Variants in DOCK3 observed in about 807,000 individuals in gnomAD.
DOCK3 encodes the protein dedicator of cytokinesis 3, also known as dedicator of cytokinesis protein 3.
A neutral mutation model predicts 265.6 loss-of-function variants in DOCK3; 60 were observed. That is an observed-to-expected ratio of 0.23 (90% confidence interval 0.18 to 0.28). The LOEUF is 0.28. Among genes scored for constraint, DOCK3 ranks in the 10% least tolerant of loss-of-function variants. The probability of loss-of-function intolerance (pLI) is 1.00; values close to 1 mark genes in which losing one functional copy is unlikely to be tolerated. For missense variants in DOCK3, 1,981 were observed against 2,594.3 expected, an observed-to-expected ratio of 0.76 and a Z score of 5.14; for synonymous variants, 881 against 938.0, an observed-to-expected ratio of 0.94 and a Z score of 1.11.
chr3:50,908,541 G>T (rs753003614), intron 4 of DOCK3, among the ~76,000 whole-genome samples: 3 of 151,992 alleles, frequency 2.0e-5, no homozygotes, highest in Non-Finnish European at 2.9e-5. Context: ...TGGAGTGAGT[G>T]TCTTAACATT....
chr3:51,306,448 A>G (rs2082695575), intron 27 of DOCK3, among the ~76,000 whole-genome samples: 1 of 151,814 alleles, frequency 6.6e-6, no homozygotes, highest in Non-Finnish European at 1.5e-5. Flanking sequence ...CTGTGTAAAG[A>G]TTTTTTCATC....
intron 1 of DOCK3, among the ~76,000 whole-genome samples, chr3:50,732,187 ATAAGT>A (rs2038259414): frequency 6.6e-6 from 1 of 152,126 alleles, no homozygotes; most frequent in Non-Finnish European, 1.5e-5. Context: ...ATTCTCACTT[ATAAGT>A]GGGAGCTGAA....
chr3:51,041,616 A>G (rs1444827093), intron 5 of DOCK3, among the ~76,000 whole-genome samples: 5 of 152,132 alleles, frequency 3.3e-5, no homozygotes, highest in Non-Finnish European at 7.3e-5. Context: ...GAAAACATGA[A>G]TCTCCTTGTA....
intron 14 of DOCK3, among the ~76,000 whole-genome samples, chr3:51,222,177 A>C (rs966840187): frequency 6.6e-6 from 1 of 152,046 alleles, no homozygotes; most frequent in African/African-American, 2.4e-5. Flanking sequence ...TCTCTTTCTC[A>C]TCTTCATTGT....
intron 23 of DOCK3, among the ~76,000 whole-genome samples, chr3:51,265,327 G>C (rs770893835): frequency 3.9e-5 from 6 of 152,180 alleles, no homozygotes; most frequent in Non-Finnish European, 7.3e-5. Context: ...TAGAAAAAGA[G>C]GGACTCCTCC....
intron 10 of DOCK3, among the ~76,000 whole-genome samples, chr3:51,153,943 G>C (rs1220997484): frequency 6.6e-6 from 1 of 152,166 alleles, no homozygotes; most frequent in African/African-American, 2.4e-5. Context: ...TCTTTGATCT[G>C]TTTCAGTGAT....
At chr3:51,270,642 T>G (rs2080444929) in intron 23 of DOCK3, among the ~76,000 whole-genome samples, 173 bp from the exon 24 acceptor site, 1 of 152,126 alleles carries the variant, frequency 6.6e-6, no homozygotes, top group Non-Finnish European at 1.5e-5. Context: ...TCCTTTTTGG[T>G]TTTTCTTGCT....
At chr3:50,933,332 C>T (rs2051173771) in intron 4 of DOCK3, among the ~76,000 whole-genome samples, 1 of 152,152 alleles carries the variant, frequency 6.6e-6, no homozygotes, top group Non-Finnish European at 1.5e-5. Context: ...TTTTTGTTCA[C>T]TGATAAATTT....
At chr3:50,713,433 A>C (rs2036897403) in intron 1 of DOCK3, among the ~76,000 whole-genome samples, 1 of 152,210 alleles carries the variant, frequency 6.6e-6, no homozygotes, top group Non-Finnish European at 1.5e-5. Context: ...GACTAGAACT[A>C]TGGAGCTTAT....
chr3:51,019,992 C>G (rs970459298), intron 5 of DOCK3, among the ~76,000 whole-genome samples: 1 of 151,864 alleles, frequency 6.6e-6, no homozygotes, highest in African/African-American at 2.4e-5. Context: ...TGGGTATATA[C>G]AGAGTAATGG....
chr3:51,279,238 G>A (rs527577998), intron 26 of DOCK3, among the ~76,000 whole-genome samples: 24 of 152,236 alleles, frequency 1.6e-4, no homozygotes, highest in Admixed American at 4.6e-4. Context: ...GGTGATAAGA[G>A]CAAAACTCCA....
At chr3:51,202,060 A>G (rs886242313) in intron 12 of DOCK3, among the ~76,000 whole-genome samples, 1 of 152,114 alleles carries the variant, frequency 6.6e-6, no homozygotes, top group African/African-American at 2.4e-5. Context: ...AATGCCCACA[A>G]AAGAAAGCAG....
intron 19 of DOCK3, among the ~76,000 whole-genome samples, chr3:51,232,702 T>C (rs1353555524): frequency 1.3e-5 from 2 of 152,222 alleles, no homozygotes; most frequent in African/African-American, 4.8e-5. Flanking sequence ...TCATGTCCTT[T>C]GTCCACTTTT....
intron 19 of DOCK3, among the ~76,000 whole-genome samples, chr3:51,230,482 G>A (rs540046684): frequency 5.1e-4 from 78 of 152,028 alleles, no homozygotes; most frequent in Non-Finnish European, 1.1e-3. Flanking sequence ...ATTCCATGGT[G>A]TACATGTACC....
At chr3:51,275,009 A>G (rs186232622) in intron 24 of DOCK3, 70 bp from the exon 25 acceptor site, 24 of 1,595,838 alleles carry the variant, frequency 1.5e-5, no homozygotes, top group South Asian at 6.6e-5. Context: ...AAGTCCCACA[A>G]TGCCACTGGC....
intron 21 of DOCK3, among the ~76,000 whole-genome samples, chr3:51,243,222 C>G (rs2108534171): frequency 6.6e-6 from 1 of 152,300 alleles, no homozygotes; most frequent in African/African-American, 2.4e-5. Flanking sequence ...ACAGACACTC[C>G]CATACCAAAC....
chr3:50,767,832 C>T (rs1410035121), intron 1 of DOCK3, among the ~76,000 whole-genome samples: 1 of 152,134 alleles, frequency 6.6e-6, no homozygotes, highest in Non-Finnish European at 1.5e-5. Flanking sequence ...AGAGGTCCTT[C>T]ACATCCCTTG....
At chr3:51,073,316 C>T (rs1198621623) in intron 6 of DOCK3, among the ~76,000 whole-genome samples, 1 of 27,216 alleles carries the variant, frequency 3.7e-5, no homozygotes, top group Non-Finnish European at 6.2e-5. Flanking sequence ...GCAAAATTAT[C>T]TTTATGTCAG....
intron 13 of DOCK3, among the ~76,000 whole-genome samples, chr3:51,211,007 A>G (rs1447595842): frequency 6.6e-6 from 1 of 152,240 alleles, no homozygotes; most frequent in Non-Finnish European, 1.5e-5. Flanking sequence ...CAGTAGTAGC[A>G]TGAAGAGCAT....
Sources: allele counts gnomAD v4.1 joint callset (sites outside exome capture counted in the v4.1 genomes callset), GRCh38; gene constraint gnomAD v4.1.1; transcripts MANE v1.5; gene names NCBI Gene and HGNC (gene_info 2026-07-23, HGNC 2026-07-21).